ZNF407: variants seen among roughly 807,000 people sequenced by gnomAD.
ZNF407 encodes zinc finger protein 407.
Under a neutral mutation model 131.2 loss-of-function variants are expected in ZNF407, and 17 were observed. The ratio of observed to expected loss-of-function variants is 0.13; its 90% confidence interval spans 0.09 to 0.19. The LOEUF (loss-of-function observed/expected upper bound fraction) is 0.19. Among genes scored for constraint, ZNF407 ranks in the 10% least tolerant of loss-of-function variants. The pLI is 1.00. For synonymous variants in ZNF407, 1,156 were observed against 1,062.0 expected, an observed-to-expected ratio of 1.09 and a Z score of -1.72; for missense variants, 2,681 against 2,830.6, an observed-to-expected ratio of 0.95 and a Z score of 1.20.
intron 8 of ZNF407, among the ~76,000 whole-genome samples, chr18:74,991,127 A>G (rs1465249996): frequency 6.6e-6 from 1 of 152,164 alleles, no homozygotes; most frequent in African/African-American, 2.4e-5. Context: ...AGTTTATTTA[A>G]TTACCTGCTT....
chr18:74,913,227 C>T (rs1971698397), intron 7 of ZNF407, among the ~76,000 whole-genome samples: 1 of 152,188 alleles, frequency 6.6e-6, no homozygotes, highest in Admixed American at 6.5e-5. Context: ...GTCATGGCAC[C>T]TGGAGAAATG....
At chr18:75,025,535 TACA>T (rs1252971973) in intron 8 of ZNF407, among the ~76,000 whole-genome samples, 1 of 152,196 alleles carries the variant, frequency 6.6e-6, no homozygotes, top group Non-Finnish European at 1.5e-5. Flanking sequence ...GTGCAATGTG[TACA>T]ACATTTCACT....
chr18:75,002,986 G>A (rs1425586960), intron 8 of ZNF407, among the ~76,000 whole-genome samples: 1 of 152,164 alleles, frequency 6.6e-6, no homozygotes, highest in Non-Finnish European at 1.5e-5. Context: ...TAACATGTCT[G>A]CCTTAGCATC....
chr18:74,772,412 T>G (rs1051208001), intron 3 of ZNF407, among the ~76,000 whole-genome samples: 2 of 152,314 alleles, frequency 1.3e-5, no homozygotes, highest in East Asian at 3.9e-4. Context: ...TATTTGTTCA[T>G]GTATATGTCA....
intron 8 of ZNF407, among the ~76,000 whole-genome samples, chr18:74,979,472 A>G (rs1972564336): frequency 6.6e-6 from 1 of 152,170 alleles, no homozygotes; most frequent in Admixed American, 6.5e-5. Context: ...TTGTATTTTT[A>G]GTAAAGACGG....
intron 7 of ZNF407, among the ~76,000 whole-genome samples, chr18:74,907,197 C>T (rs1290145782): frequency 6.6e-6 from 1 of 152,082 alleles, no homozygotes; most frequent in East Asian, 1.9e-4. Context: ...AGGTTGAATG[C>T]CCAGATAGTA....
At chr18:75,029,907 C>T (rs1238831445) in intron 8 of ZNF407, among the ~76,000 whole-genome samples, 5 of 152,300 alleles carry the variant, frequency 3.3e-5, no homozygotes, top group Admixed American at 2.0e-4. Flanking sequence ...GAGGCTGCTT[C>T]GCTTCAGAAA....
In ZNF407 at chr18:74,677,915, G is replaced by T. The variant is rs547247540; in HGVS notation, c.4802+36793G>T. Among the ~76,000 whole-genome samples the T allele has an allele frequency of 3.3e-4, 50 of 152,174 alleles. 1 individual carries two copies. In the East Asian group the frequency reaches 9.5e-3, roughly 29 times the overall value. On this transcript the variant is annotated intron_variant, in intron 3 of 8. Coordinates refer to ENST00000299687, the MANE Select transcript of ZNF407 (RefSeq NM_017757.3). ...GGCTCACTGCAACCTCTGCCTCTTG[G>T]GTTCAAATGATCCTTATGCCTCAGC...
At chr18:74,682,078 A>C (rs542250340) in intron 3 of ZNF407, among the ~76,000 whole-genome samples, 4 of 152,322 alleles carry the variant, frequency 2.6e-5, no homozygotes, top group African/African-American at 7.2e-5. Flanking sequence ...ACTTTGATTT[A>C]AATTCTAAAA....
chr18:74,862,253 G>A (rs767949970), intron 4 of ZNF407, among the ~76,000 whole-genome samples: 1 of 152,176 alleles, frequency 6.6e-6, no homozygotes, highest in Non-Finnish European at 1.5e-5. Context: ...TTTATGACCG[G>A]TAACTTTACA....
At chr18:74,867,314 C>T (rs901992891) in intron 4 of ZNF407, among the ~76,000 whole-genome samples, 2 of 152,122 alleles carry the variant, frequency 1.3e-5, no homozygotes, top group Non-Finnish European at 2.9e-5. Flanking sequence ...AGAGTTTGAC[C>T]TGGCACGAAT....
intron 4 of ZNF407, among the ~76,000 whole-genome samples, chr18:74,848,895 T>C (rs1186769313): frequency 6.6e-6 from 1 of 152,200 alleles, no homozygotes; most frequent in Non-Finnish European, 1.5e-5. Context: ...TTGTGATGTA[T>C]GCGTGAATAT....
Position 75,063,326 on chromosome 18 carries a change from T to C in ZNF407, c.5605T>C (p.Phe1869Leu). The change falls in exon 9 of 9, where the codon TTC (phenylalanine) becomes CTC (leucine). Residue 1869 changes from phenylalanine to leucine, a missense_variant. By Grantham distance (22) the Phe-to-Leu change is conservative. Transcript: ENST00000299687. The surrounding 1 kb of genome is among the most constrained non-coding windows in gnomAD (Gnocchi z 6.6). ...TGAGCAGGTGCAGCAGGTCATCATC[T>C]TCCAGGGCTACGACGGGGAGTTTGC... ...PPEQVQQVII[F>L]QGYDGEFALD... The C allele has an allele frequency of 6.2e-7, 1 of 1,613,486 alleles. No individual in the cohort carries two copies.
chr18:74,863,249 T>G (rs759229337), intron 4 of ZNF407, among the ~76,000 whole-genome samples: 1 of 151,490 alleles, frequency 6.6e-6, no homozygotes, highest in East Asian at 2.0e-4. Flanking sequence ...AGGTATTTCA[T>G]ACTTCCACCT....
At chr18:74,810,738 T>C (rs570770707) in intron 4 of ZNF407, among the ~76,000 whole-genome samples, 1 of 152,000 alleles carries the variant, frequency 6.6e-6, no homozygotes, top group African/African-American at 2.4e-5. Context: ...CTGAGAAAAA[T>C]AAGCAATGGG....
At chr18:74,929,162 T>G (rs1275001136) in intron 8 of ZNF407, among the ~76,000 whole-genome samples, 1 of 152,164 alleles carries the variant, frequency 6.6e-6, no homozygotes, top group Non-Finnish European at 1.5e-5. Flanking sequence ...ATTTTTAACT[T>G]TTTTCCAGAA....
At chr18:74,925,361 T>C (rs1475149526) in intron 8 of ZNF407, among the ~76,000 whole-genome samples, 1 of 152,234 alleles carries the variant, frequency 6.6e-6, no homozygotes, top group Non-Finnish European at 1.5e-5. Context: ...TACATTTGCC[T>C]CTTCCCATTT....
intron 4 of ZNF407, among the ~76,000 whole-genome samples, chr18:74,794,387 C>A (rs1219205838): frequency 4.6e-5 from 7 of 151,292 alleles, no homozygotes; most frequent in Admixed American, 4.6e-4. Context: ...TTTATAGAAT[C>A]ACTGAAGTTC....
At chr18:74,877,934 T>A (rs1047376212) in intron 5 of ZNF407, among the ~76,000 whole-genome samples, 1 of 152,180 alleles carries the variant, frequency 6.6e-6, no homozygotes, top group Non-Finnish European at 1.5e-5. Flanking sequence ...GCTACTATAA[T>A]TTTTTTGGAA....
Sources: gnomAD v4.1 joint callset for allele counts (sites outside exome capture counted in the v4.1 genomes callset) on GRCh38, gnomAD v4.1.1 for gene constraint, Gnocchi (gnomAD v3.1) non-coding constraint, MANE v1.5 for transcripts, NCBI Gene and HGNC (gene_info 2026-07-23, HGNC 2026-07-21) for gene names.